The following UNC13C variants were observed in gnomAD, a reference collection of about 807,000 sequenced individuals.
UNC13C encodes the protein unc-13 homolog C, also known as protein unc-13 homolog C.
UNC13C carries 174 observed loss-of-function variants against 245.4 expected under a neutral mutation model. The observed-to-expected ratio is 0.71, with a 90% CI of 0.63 to 0.80. The LOEUF (loss-of-function observed/expected upper bound fraction) is 0.80, where lower values mean the gene tolerates loss of function less well. Ranked by LOEUF, UNC13C falls within the 30% of genes least tolerant of loss-of-function variation. The pLI, the probability that UNC13C is intolerant of heterozygous loss-of-function variation, is 0.00. For missense variants in UNC13C, 2,829 were observed against 2,602.9 expected (o/e 1.09, Z -1.89); for synonymous variants, 992 against 895.1 (o/e 1.11, Z -1.93).
At chr15:54,294,379 C>A (rs1230405007) in intron 11 of UNC13C, among the ~76,000 whole-genome samples, 1 of 152,008 alleles carries the variant, frequency 6.6e-6, no homozygotes, top group Non-Finnish European at 1.5e-5. Flanking sequence ...CAAATACATG[C>A]GAAACAAATA....
intron 27 of UNC13C, among the ~76,000 whole-genome samples, chr15:54,548,945 A>G (rs1896612770): frequency 6.6e-6 from 1 of 152,180 alleles, no homozygotes; most frequent in Admixed American, 6.5e-5. Context: ...ATTCTCCAAT[A>G]AAATACACAC....
At chr15:54,142,486 C>T (rs1194430031) in intron 2 of UNC13C, among the ~76,000 whole-genome samples, 1 of 152,228 alleles carries the variant, frequency 6.6e-6, no homozygotes, top group East Asian at 1.9e-4. Flanking sequence ...TCTTTTAGCT[C>T]GTAAACTCTA....
chr15:54,037,200 T>TTTC (rs1896609140), intron 2 of UNC13C, among the ~76,000 whole-genome samples: 1 of 152,242 alleles, frequency 6.6e-6, no homozygotes, highest in Non-Finnish European at 1.5e-5. Context: ...ACTAGCTACC[T>TTTC]TTCTAGTGTC....
chr15:54,279,626 T>G (rs2036924444), intron 10 of UNC13C, among the ~76,000 whole-genome samples: 1 of 152,210 alleles, frequency 6.6e-6, no homozygotes, highest in Non-Finnish European at 1.5e-5. Context: ...GGGGAATAGC[T>G]AAGAGAAAGG....
intron 13 of UNC13C, among the ~76,000 whole-genome samples, chr15:54,312,314 A>G (rs1311168060): frequency 6.6e-6 from 1 of 151,676 alleles, no homozygotes; most frequent in East Asian, 1.9e-4. Flanking sequence ...TTTGCTGACC[A>G]CCTGGATGTT....
intron 4 of UNC13C, among the ~76,000 whole-genome samples, chr15:54,189,625 TA>T (rs1215829226): frequency 7.9e-5 from 12 of 152,308 alleles, no homozygotes; most frequent in Non-Finnish European, 1.2e-4. Context: ...ATAATTTGAT[TA>T]AAAATTGAAT....
intron 19 of UNC13C, among the ~76,000 whole-genome samples, chr15:54,459,668 A>G (rs900371027): frequency 8.5e-5 from 13 of 152,068 alleles, no homozygotes; most frequent in African/African-American, 2.9e-4. Context: ...TCATTCTTCT[A>G]CTTGTTCAGT....
At chr15:53,951,349 G>T in the UNC13C span, among the ~76,000 whole-genome samples, 1 of 152,176 alleles carries the variant, frequency 6.6e-6, no homozygotes, top group Admixed American at 6.5e-5. Flanking sequence ...GCTTCCTATG[G>T]TATTCAACAC....
At chr15:54,467,629 A>C (rs1892250249) in intron 19 of UNC13C, among the ~76,000 whole-genome samples, 1 of 151,626 alleles carries the variant, frequency 6.6e-6, no homozygotes, top group Non-Finnish European at 1.5e-5. Flanking sequence ...CCCCTTCTCC[A>C]TCTACCCTGC....
chr15:54,321,412 C>A, intron 13 of UNC13C: 1 of 495,670 alleles, frequency 2.0e-6, no homozygotes, highest in South Asian at 1.5e-5. Context: ...TCTCTTGAGA[C>A]AGCTCTCTTT....
chr15:54,169,576 GC>G lies in UNC13C; in HGVS notation c.3071+25893del, dbSNP rs372906625. On this transcript the variant is annotated intron_variant, in intron 4 of 32. Transcript: ENST00000260323. The stretch of plus-strand genomic sequence containing the variant: ...ATTTAACATGACCCAGAAGGCCTGG[GC>G]TGCCTCTCCAGCCTCATTTCATGCC... Among the ~76,000 whole-genome samples the G allele has an allele frequency of 4.4e-3, 663 of 152,220 alleles. 3 individuals carry two copies. Among genetic ancestry groups the G allele is most frequent in the Middle Eastern group, 0.017 (5 of 294 alleles).
intron 30 of UNC13C, among the ~76,000 whole-genome samples, chr15:54,582,384 C>G (rs1319015010): frequency 6.6e-6 from 1 of 152,076 alleles, no homozygotes; most frequent in Non-Finnish European, 1.5e-5. Flanking sequence ...AGGAGGACAT[C>G]TAAGTGACTA....
chr15:54,501,028 G>A (rs747226539), intron 22 of UNC13C, 50 bp downstream of exon 22: 1 of 1,584,232 alleles, frequency 6.3e-7, no homozygotes. Flanking sequence ...GTGGCAATCT[G>A]AAAAATGCTA....
At chr15:54,505,572 C>T (rs921802482) in intron 22 of UNC13C, among the ~76,000 whole-genome samples, 1 of 152,006 alleles carries the variant, frequency 6.6e-6, no homozygotes, top group Non-Finnish European at 1.5e-5. Flanking sequence ...TATTAAAGAG[C>T]TATTGTGTGA....
chr15:54,062,267 C>G (rs147861146), intron 2 of UNC13C, among the ~76,000 whole-genome samples: 1 of 150,192 alleles, frequency 6.7e-6, no homozygotes, highest in East Asian at 2.0e-4. Context: ...TGCAGTGAGC[C>G]GAGATCGCCC....
At chr15:54,190,114 C>T (rs1478408219) in intron 4 of UNC13C, among the ~76,000 whole-genome samples, 1 of 151,934 alleles carries the variant, frequency 6.6e-6, no homozygotes, top group Non-Finnish European at 1.5e-5. Context: ...TGTTTTGGTC[C>T]CTGCAGATGG....
At chr15:54,158,495 A>G (rs898774107) in intron 4 of UNC13C, among the ~76,000 whole-genome samples, 34 of 151,854 alleles carry the variant, frequency 2.2e-4, no homozygotes, top group African/African-American at 8.0e-4. Flanking sequence ...AATTTTTTGT[A>G]TTTTTAGTAG....
intron 19 of UNC13C, among the ~76,000 whole-genome samples, chr15:54,422,985 C>T (rs115107878): frequency 1.0e-4 from 12 of 115,814 alleles, no homozygotes; most frequent in East Asian, 2.8e-4. Context: ...ACACACACAA[C>T]GAAAAAAAAA....
At chr15:54,066,593 G>A (rs2115824) in intron 2 of UNC13C, among the ~76,000 whole-genome samples, 1,872 of 152,270 alleles carry the variant, frequency 0.012, 50 homozygotes, top group African/African-American at 0.043. Flanking sequence ...CTCCTCCGTT[G>A]AGGAAATGGA....
Sources: allele counts gnomAD v4.1 joint callset (sites outside exome capture counted in the v4.1 genomes callset), GRCh38; gene constraint gnomAD v4.1.1; transcripts MANE v1.5; gene names NCBI Gene and HGNC (gene_info 2026-07-23, HGNC 2026-07-21).